PALMD: variants seen among roughly 807,000 people sequenced by gnomAD.
PALMD encodes palmdelphin, also known as paralemmin-like protein.
In PALMD, 42 loss-of-function variants were observed where a neutral mutation model predicts 56.2. The ratio of observed to expected loss-of-function variants is 0.75; its 90% CI spans 0.58 to 0.97. The LOEUF is 0.97. Among genes scored for constraint, PALMD ranks in the 50% least tolerant of loss-of-function variants. The probability of loss-of-function intolerance (pLI) is 0.00; values close to 1 mark genes in which losing one functional copy is unlikely to be tolerated. For missense variants in PALMD, 660 were observed against 643.8 expected (o/e 1.03, Z -0.27); for synonymous variants, 242 against 222.9 (o/e 1.09, Z -0.76).
chr1:99,689,633 C>G lies in PALMD; in HGVS notation c.1373C>G (p.Ala458Gly). Residue 458 changes from alanine (A) to glycine (G), a missense_variant, in exon 7 of 8, where the codon GCA (alanine) becomes GGA (glycine). Coordinates refer to ENST00000263174, the MANE Select transcript of PALMD (RefSeq NM_017734.5). ...GAGGAGGAGGAGGATGAAGGAGAAG[C>G]AGAGAAACCGTCCTACCACCCCATA... ...DDEEEEDEGE[A>G]EKPSYHPIAP... The G allele has an allele frequency of 3.1e-6, 5 of 1,613,636 alleles. No homozygotes were observed. The highest frequency in any genetic ancestry group is 4.2e-6 in the Non-Finnish European group (5 of 1,179,812).
At chr1:99,647,582 T>C (rs535407168) in intron 1 of PALMD, among the ~76,000 whole-genome samples, 3 of 152,314 alleles carry the variant, frequency 2.0e-5, no homozygotes, top group Admixed American at 2.0e-4. Flanking sequence ...GGGATTATTG[T>C]TTGTTTTGTT....
At chr1:99,653,044 C>T (rs1042489606) in intron 1 of PALMD, among the ~76,000 whole-genome samples, 1 of 152,174 alleles carries the variant, frequency 6.6e-6, no homozygotes, top group Non-Finnish European at 1.5e-5. Flanking sequence ...TCCTCCCCAT[C>T]CCACTTCCTT....
Position 99,646,258 on chromosome 1 carries a change from C to T in PALMD, c.-60C>T. 7.3e-7 allele frequency: 1 copy of T among 1,368,718 alleles called. No individual in the cohort carries two copies. Among genetic ancestry groups the T allele is most frequent in the Non-Finnish European group, 1.0e-6 (1 of 956,322 alleles). 84.8% of individuals were successfully genotyped at this position (1,368,718 alleles called of 1,614,324 possible). A position where few individuals can be genotyped will look rare whatever the true frequency, so the allele number is the denominator to read the frequency against. ...ACCCCCGCTCCTCTCCCCCAGGAGG[C>T]TCCTTGATTTATGGTAGCTTTGGAC... On this transcript the variant is annotated 5_prime_UTR_variant, in exon 1 of 8. Coordinates refer to ENST00000263174, the MANE Select transcript of PALMD (RefSeq NM_017734.5).
At chr1:99,672,752 T>C (rs1653114116) in intron 3 of PALMD, among the ~76,000 whole-genome samples, 2 of 152,182 alleles carry the variant, frequency 1.3e-5, no homozygotes, top group Admixed American at 6.5e-5. Context: ...AGAAATGTCA[T>C]AAGCATGAAA....
chr1:99,668,146 C>G (rs1653007909), intron 3 of PALMD: 1 of 160,782 alleles, frequency 6.2e-6, no homozygotes, highest in South Asian at 1.8e-4. Context: ...TCCCGATGTA[C>G]AGGTGTGAGC....
chr1:99,646,324 G>A lies in PALMD; in HGVS notation c.7G>A (p.Glu3Lys), dbSNP rs1439308065. Residue 3 changes from glutamate (E) to lysine (K), a missense_variant, in exon 1 of 8, where the codon GAA (glutamate) becomes AAA (lysine). Coordinates refer to ENST00000263174, the MANE Select transcript of PALMD (RefSeq NM_017734.5). Reference protein sequence around the residue: MEEAELVKGRLQA... With the variant: MEKAELVKGRLQA... ...ACTGTCCTTGACTTCTAGAATGGAA[G>A]AAGCTGAGCTGGTGAAGGGAAGACT... The A allele has an allele frequency of 6.2e-7, 1 of 1,613,318 alleles. No homozygotes were observed. The highest frequency in any genetic ancestry group is 1.3e-5 in the African/African-American group (1 of 75,052).
chr1:99,691,360 T>C (rs995559649), intron 7 of PALMD, among the ~76,000 whole-genome samples: 5 of 152,082 alleles, frequency 3.3e-5, no homozygotes, highest in African/African-American at 9.7e-5. Context: ...ATTTACCCCA[T>C]GGAAAATGAC....
intron 3 of PALMD, among the ~76,000 whole-genome samples, chr1:99,675,101 G>T (rs1653172290): frequency 6.6e-6 from 1 of 152,142 alleles, no homozygotes; most frequent in South Asian, 2.1e-4. Context: ...ATTAGGATTG[G>T]AATTTATATT....
intron 3 of PALMD, chr1:99,683,519 C>T (rs1286121544): frequency 6.6e-6 from 1 of 152,182 alleles, no homozygotes; most frequent in Non-Finnish European, 1.5e-5. Flanking sequence ...TTTCTCTTAT[C>T]CCCTGCATGT....
At chr1:99,691,796 C>A (rs1417097739) in intron 7 of PALMD, among the ~76,000 whole-genome samples, 2 of 152,202 alleles carry the variant, frequency 1.3e-5, no homozygotes, top group East Asian at 3.9e-4. Flanking sequence ...TGGTATAAAT[C>A]CCCTATTTAA....
At chr1:99,655,950 GCACACACA>G (rs947298555) in intron 1 of PALMD, among the ~76,000 whole-genome samples, 1 of 32,060 alleles carries the variant, frequency 3.1e-5, no homozygotes, top group Non-Finnish European at 8.0e-5. Context: ...ACACACACAT[GCACACACA>G]CACACACACG....
rs564408280 is a variant in PALMD, at chr1:99,674,767, A to T, written c.251+7001A>T. On this transcript the variant is annotated intron_variant, in intron 3 of 7. Transcript: ENST00000263174. ...AATCTTTGGCTGTGCTGACATGAGT[A>T]AAGACAAAACAAAGGAGCAACTGAA... 5.9e-5 allele frequency among the ~76,000 whole-genome samples: 9 copies of T among 152,322 alleles called. No homozygotes were observed. In the South Asian group the frequency reaches 1.9e-3, roughly 32 times the overall value.
At chr1:99,693,298 C>T (rs1351901466) in intron 7 of PALMD, among the ~76,000 whole-genome samples, 6 of 149,702 alleles carry the variant, frequency 4.0e-5, no homozygotes, top group Non-Finnish European at 7.4e-5. Flanking sequence ...ACTAAGGCAG[C>T]TCTACACTGA....
Position 99,646,208 on chromosome 1 carries a change from G to A in PALMD, c.-110G>A. The A allele has an allele frequency of 1.2e-6, 1 of 851,968 alleles. No individual in the cohort carries two copies. Among genetic ancestry groups the A allele is most frequent in the Admixed American group, 1.9e-5 (1 of 53,756 alleles). 52.8% of individuals were successfully genotyped at this position (851,968 alleles called of 1,614,324 possible). On this transcript the variant is annotated 5_prime_UTR_variant, in exon 1 of 8. Transcript: ENST00000263174. ...TATTTCTCCACTGGTGCAAAGAGCG[G>A]ATTTCTCCCTGCTTCTCTTCTGTCA...
At chr1:99,659,256 T>C (rs1416529188) in intron 1 of PALMD, among the ~76,000 whole-genome samples, 1 of 152,234 alleles carries the variant, frequency 6.6e-6, no homozygotes, top group Non-Finnish European at 1.5e-5. Context: ...TAACTATAGT[T>C]GTACAAGGCG....
intron 2 of PALMD, among the ~76,000 whole-genome samples, chr1:99,666,186 A>G (rs71660906): frequency 1.5e-3 from 230 of 152,218 alleles, no homozygotes; most frequent in Non-Finnish European, 2.6e-3. Context: ...TCTGTTTTCC[A>G]AACTATAGTT....
intron 3 of PALMD, chr1:99,684,565 C>T (rs11166294): frequency 0.081 from 12,335 of 152,250 alleles, 1,086 homozygotes; most frequent in African/African-American, 0.22. Flanking sequence ...CTCTGTTGCC[C>T]AGGCTGGAGT....
intron 1 of PALMD, among the ~76,000 whole-genome samples, chr1:99,655,420 G>C (rs548976000): frequency 1.3e-5 from 2 of 151,964 alleles, no homozygotes; most frequent in Admixed American, 6.6e-5. Context: ...TTTGTTTTTA[G>C]TCATCAACTG....
At chr1:99,682,183 A>C (rs1046648353) in intron 3 of PALMD, among the ~76,000 whole-genome samples, 15 of 152,210 alleles carry the variant, frequency 9.9e-5, no homozygotes, top group African/African-American at 3.4e-4. Context: ...TAAATATTTG[A>C]AGTATCAAAT....
Sources: gnomAD v4.1 joint callset for allele counts (sites outside exome capture counted in the v4.1 genomes callset) on GRCh38, gnomAD v4.1.1 for gene constraint, MANE v1.5 for transcripts, NCBI Gene and HGNC (gene_info 2026-07-23, HGNC 2026-07-21) for gene names.